The following WWOX variants were observed in gnomAD, a reference collection of about 807,000 sequenced individuals.
The protein encoded by WWOX is WW domain-containing oxidoreductase.
WWOX carries 69 observed loss-of-function variants against 46.2 expected under a neutral mutation model. The observed-to-expected ratio is 1.49, with a 90% CI of 1.23 to 1.82. WWOX has a LOEUF of 1.82. Ranked by LOEUF, WWOX falls within the 40% of genes most tolerant of loss-of-function variation. The pLI is 0.00. For synonymous variants in WWOX, 359 were observed against 202.6 expected, an observed-to-expected ratio of 1.77 and a Z score of -6.56; for missense variants, 919 against 542.6, an observed-to-expected ratio of 1.69 and a Z score of -6.89.
At chr16:78,907,468 T>C (rs1281445535) in intron 8 of WWOX, among the ~76,000 whole-genome samples, 1 of 152,208 alleles carries the variant, frequency 6.6e-6, no homozygotes, top group African/African-American at 2.4e-5. Context: ...TGGTGGTCTT[T>C]TGCTAGCTTT....
intron 8 of WWOX, among the ~76,000 whole-genome samples, chr16:78,876,441 A>C (rs1449416202): frequency 6.6e-6 from 1 of 151,260 alleles, no homozygotes; most frequent in African/African-American, 2.4e-5. Context: ...GTTGTTAATC[A>C]ACAAATAGAT....
At chr16:78,484,950 A>G (rs1402779770) in intron 8 of WWOX, among the ~76,000 whole-genome samples, 1 of 152,074 alleles carries the variant, frequency 6.6e-6, no homozygotes, top group African/African-American at 2.4e-5. Flanking sequence ...CAGCCTGTGT[A>G]CCTGGCAAGG....
chr16:78,467,447 T>A lies in WWOX; in HGVS notation c.1056+34695T>A, dbSNP rs112889450. 8.4e-4 allele frequency among the ~76,000 whole-genome samples: 128 copies of A among 152,330 alleles called. 1 individual carries two copies. Among genetic ancestry groups the A allele is most frequent in the African/African-American group, 3.0e-3 (124 of 41,584 alleles). ...TTATCTAGTAGATTAAAACAGAAATTAAAGACTGTAGACTAAGGCAGGATC... is the reference window on the plus strand; with the variant it reads ...TTATCTAGTAGATTAAAACAGAAATAAAAGACTGTAGACTAAGGCAGGATC... On this transcript the variant is annotated intron_variant, in intron 8 of 8. Transcript: ENST00000566780.
chr16:78,817,781 C>A (rs2051378664), intron 8 of WWOX, among the ~76,000 whole-genome samples: 1 of 152,160 alleles, frequency 6.6e-6, no homozygotes, highest in South Asian at 2.1e-4. Context: ...CCTCCTCACC[C>A]TCTGTCTTGG....
At chr16:78,832,417 T>A (rs1057371386) in intron 8 of WWOX, among the ~76,000 whole-genome samples, 1 of 152,118 alleles carries the variant, frequency 6.6e-6, no homozygotes, top group Non-Finnish European at 1.5e-5. Context: ...TACATTCTAT[T>A]GATTAGAAGA....
intron 8 of WWOX, among the ~76,000 whole-genome samples, chr16:79,082,840 A>G (rs945326738): frequency 7.9e-5 from 12 of 152,138 alleles, no homozygotes; most frequent in African/African-American, 2.7e-4. Context: ...GTGTGCTTAC[A>G]GAGGTCATGA....
intron 5 of WWOX, among the ~76,000 whole-genome samples, chr16:78,331,433 C>G (rs1450210130): frequency 6.6e-6 from 1 of 152,150 alleles, no homozygotes; most frequent in Non-Finnish European, 1.5e-5. Context: ...TACTTCATGA[C>G]AGTGTCTTAT....
At chr16:78,739,440 C>G (rs945626998) in intron 8 of WWOX, among the ~76,000 whole-genome samples, 4 of 152,114 alleles carry the variant, frequency 2.6e-5, no homozygotes, top group Non-Finnish European at 2.9e-5. Flanking sequence ...ATCTTCGGTT[C>G]CTCCAAGCTC....
At chr16:78,987,262 A>G (rs1339632716) in intron 8 of WWOX, among the ~76,000 whole-genome samples, 1 of 152,140 alleles carries the variant, frequency 6.6e-6, no homozygotes, top group African/African-American at 2.4e-5. Context: ...GGCTTTATTG[A>G]TTGCTTTAGG....
intron 8 of WWOX, among the ~76,000 whole-genome samples, chr16:78,598,370 G>T (rs541480962): frequency 6.6e-6 from 1 of 152,192 alleles, no homozygotes; most frequent in Non-Finnish European, 1.5e-5. Context: ...GAAAGCTCAT[G>T]TAGACTGGGT....
chr16:78,668,955 G>A (rs1024169300), intron 8 of WWOX, among the ~76,000 whole-genome samples: 4 of 152,148 alleles, frequency 2.6e-5, no homozygotes, highest in Admixed American at 1.3e-4. Context: ...ATTTAATAAA[G>A]GCAATTTGGT....
At chr16:78,681,063 A>T (rs2047717792) in intron 8 of WWOX, among the ~76,000 whole-genome samples, 1 of 152,184 alleles carries the variant, frequency 6.6e-6, no homozygotes, top group Non-Finnish European at 1.5e-5. Context: ...ACCCTGGCTA[A>T]CATGGTGAAA....
At chr16:78,137,278 T>A (rs1225474865) in intron 4 of WWOX, among the ~76,000 whole-genome samples, 1 of 152,198 alleles carries the variant, frequency 6.6e-6, no homozygotes, top group African/African-American at 2.4e-5. Context: ...GGATTGTGAA[T>A]CCTCACCCTC....
At chr16:79,095,860 C>CTCT (rs1425686801) in intron 8 of WWOX, among the ~76,000 whole-genome samples, 1 of 118,480 alleles carries the variant, frequency 8.4e-6, no homozygotes, top group African/African-American at 3.4e-5. Context: ...CTCTCTCTCT[C>CTCT]TTTTTTTTTT....
At chr16:78,842,720 C>G (rs550095770) in intron 8 of WWOX, among the ~76,000 whole-genome samples, 69 of 152,146 alleles carry the variant, frequency 4.5e-4, no homozygotes, top group African/African-American at 1.5e-3. Context: ...AAAAAATCAA[C>G]TCACACCTGT....
chr16:78,134,961 C>T (rs1861267025), intron 4 of WWOX, among the ~76,000 whole-genome samples: 1 of 152,150 alleles, frequency 6.6e-6, no homozygotes, highest in Admixed American at 6.5e-5. Context: ...ACAAATGGTG[C>T]TGATGGCACA....
intron 8 of WWOX, among the ~76,000 whole-genome samples, chr16:79,153,950 G>T (rs999947872): frequency 7.1e-6 from 1 of 140,420 alleles, no homozygotes; most frequent in Admixed American, 6.9e-5. Context: ...ACAATTTCTT[G>T]TCCTGCCTCC....
At chr16:78,648,356 G>A (rs552375756) in intron 8 of WWOX, among the ~76,000 whole-genome samples, 196 of 152,268 alleles carry the variant, frequency 1.3e-3, no homozygotes, top group African/African-American at 4.4e-3. Context: ...GGAGCCAGCC[G>A]GCTCCCCTGC....
chr16:78,441,851 C>T (rs1183154533), intron 8 of WWOX, among the ~76,000 whole-genome samples: 1 of 151,892 alleles, frequency 6.6e-6, no homozygotes, highest in East Asian at 1.9e-4. Flanking sequence ...GAATGTTCAG[C>T]ATTCAGAATA....
Sources: gnomAD v4.1 joint callset for allele counts (sites outside exome capture counted in the v4.1 genomes callset) on GRCh38, gnomAD v4.1.1 for gene constraint, MANE v1.5 for transcripts, NCBI Gene and HGNC (gene_info 2026-07-23, HGNC 2026-07-21) for gene names.